Variants in PCBP3 observed in about 807,000 individuals in gnomAD.
PCBP3 encodes poly(rC)-binding protein 3.
In PCBP3, 25 loss-of-function variants were observed where a neutral mutation model predicts 52.7. The observed-to-expected ratio is 0.47, with a 90% CI of 0.35 to 0.66. The LOEUF (loss-of-function observed/expected upper bound fraction) is 0.66, where lower values mean the gene tolerates loss of function less well. PCBP3 is among the 30% of genes least tolerant of loss of function. PCBP3 has a pLI of 0.01. For missense variants in PCBP3, 391 were observed against 490.3 expected (o/e 0.80, Z 1.91); for synonymous variants, 162 against 183.0 (o/e 0.89, Z 0.93).
At position 45,835,668 on chromosome 21, in the gene PCBP3, A is replaced by G. The variant is rs1231702135; in HGVS notation, c.-125-14293A>G. Among the ~76,000 whole-genome samples the G allele has an allele frequency of 3.3e-5, 5 of 152,168 alleles. No homozygotes were observed. The South Asian group carries it at 6.2e-4, about 19-fold the overall frequency. On this transcript the variant is annotated intron_variant, in intron 4 of 17. Coordinates refer to ENST00000681687, the MANE Select transcript of PCBP3 (RefSeq NM_001384156.1). ...AGACAGAGCCTGGGCGTGGCCCCAC[A>G]TCCCTGTGAGCTGCCCATGGGCCTG...
intron 2 of PCBP3, among the ~76,000 whole-genome samples, chr21:45,719,378 T>A (rs2084459305): frequency 6.6e-6 from 1 of 152,160 alleles, no homozygotes; most frequent in South Asian, 2.1e-4. Flanking sequence ...GAACAAGCCA[T>A]ACCCGGTGGC....
At chr21:45,846,900 T>C (rs991128873) in intron 4 of PCBP3, among the ~76,000 whole-genome samples, 4 of 152,200 alleles carry the variant, frequency 2.6e-5, no homozygotes, top group African/African-American at 9.7e-5. Flanking sequence ...AATTGTCATG[T>C]CTCTTGTGTA....
intron 1 of PCBP3, among the ~76,000 whole-genome samples, chr21:45,659,626 C>T (rs2080255543): frequency 6.6e-6 from 1 of 152,214 alleles, no homozygotes; most frequent in African/African-American, 2.4e-5. Flanking sequence ...GCTGGGATTA[C>T]AGGCGTTAGC....
At chr21:45,875,417 T>C (rs1238723240) in intron 5 of PCBP3, among the ~76,000 whole-genome samples, 1 of 152,234 alleles carries the variant, frequency 6.6e-6, no homozygotes, top group African/African-American at 2.4e-5. Flanking sequence ...GCTGCTGCTT[T>C]TCACCCCCTG....
intron 4 of PCBP3, among the ~76,000 whole-genome samples, chr21:45,787,305 C>A (rs1026283012): frequency 6.6e-6 from 1 of 152,062 alleles, no homozygotes; most frequent in Non-Finnish European, 1.5e-5. Flanking sequence ...AGTGCAATGG[C>A]GTGATCATAG....
At chr21:45,770,934 C>T (rs2089815695) in intron 4 of PCBP3, among the ~76,000 whole-genome samples, 1 of 152,266 alleles carries the variant, frequency 6.6e-6, no homozygotes, top group Non-Finnish European at 1.5e-5. Context: ...CACATGGGAG[C>T]TTGCGGAGGG....
chr21:45,728,941 G>T (rs895364213), intron 2 of PCBP3, among the ~76,000 whole-genome samples: 1 of 152,120 alleles, frequency 6.6e-6, no homozygotes, highest in Non-Finnish European at 1.5e-5. Context: ...TGCAATTAAA[G>T]TACACCAAAT....
chr21:45,925,745 A>G (rs1040562613), intron 13 of PCBP3, among the ~76,000 whole-genome samples: 1 of 152,254 alleles, frequency 6.6e-6, no homozygotes, highest in African/African-American at 2.4e-5. Context: ...TTACATGTTG[A>G]TAGAAAATTC....
intron 3 of PCBP3, among the ~76,000 whole-genome samples, chr21:45,748,679 G>A (rs1003923933): frequency 6.6e-6 from 1 of 152,260 alleles, no homozygotes; most frequent in African/African-American, 2.4e-5. Context: ...GCCACATCCA[G>A]CAGGGCTGGT....
At chr21:45,910,036 G>A (rs1193893661) in intron 10 of PCBP3, among the ~76,000 whole-genome samples, 2 of 29,452 alleles carry the variant, frequency 6.8e-5, no homozygotes, top group Non-Finnish European at 5.9e-5. Context: ...CCACTGCCCA[G>A]ATATGGACCC....
intron 2 of PCBP3, among the ~76,000 whole-genome samples, chr21:45,729,661 A>G (rs958075697): frequency 6.6e-6 from 1 of 151,630 alleles, no homozygotes; most frequent in Non-Finnish European, 1.5e-5. Context: ...ATAATGTTCT[A>G]TTTCTCATTC....
chr21:45,701,795 A>G (rs971799119), intron 2 of PCBP3, among the ~76,000 whole-genome samples: 1 of 152,190 alleles, frequency 6.6e-6, no homozygotes, highest in African/African-American at 2.4e-5. Context: ...CCTGACCTCA[A>G]ATGATCTGCC....
At chr21:45,878,725 T>G (rs1026633588) in intron 5 of PCBP3, among the ~76,000 whole-genome samples, 4 of 152,210 alleles carry the variant, frequency 2.6e-5, no homozygotes. Flanking sequence ...GCATAAGATT[T>G]AAGTGATAAC....
chr21:45,828,307 A>G (rs1180338510), intron 4 of PCBP3: 1 of 152,176 alleles, frequency 6.6e-6, no homozygotes, highest in Non-Finnish European at 1.5e-5. Flanking sequence ...AGATGGCCCC[A>G]AAGTCTGGTC....
intron 11 of PCBP3, among the ~76,000 whole-genome samples, chr21:45,912,209 A>G (rs1021547957): frequency 6.6e-6 from 1 of 152,060 alleles, no homozygotes; most frequent in South Asian, 2.1e-4. Context: ...GAACCACCCT[A>G]TCTCCTTCCT....
At position 45,724,391 on chromosome 21, in the gene PCBP3, G is replaced by A. The variant is rs1317141877; in HGVS notation, c.-199-11001G>A. Among the ~76,000 whole-genome samples, 2 of 152,144 alleles carry A rather than the reference G, an allele frequency of 1.3e-5. No individual in the cohort carries two copies. The highest frequency in any genetic ancestry group is 1.9e-4 in the East Asian group (1 of 5,154). On this transcript the variant is annotated intron_variant, in intron 2 of 17. Coordinates refer to ENST00000681687, the MANE Select transcript of PCBP3 (RefSeq NM_001384156.1). This position sits in a 1 kb window ranked among gnomAD's most constrained non-coding sequence, Gnocchi z 5.3. Reference sequence around the variant, plus strand: ...AACACTCCACAGGGTGGTGCATGGGGGCTGCCCACACTCCCTGCTGCTTTC... The same window carrying A: ...AACACTCCACAGGGTGGTGCATGGGAGCTGCCCACACTCCCTGCTGCTTTC...
intron 4 of PCBP3, among the ~76,000 whole-genome samples, chr21:45,814,175 G>A (rs964869554): frequency 1.3e-5 from 2 of 152,216 alleles, no homozygotes; most frequent in African/African-American, 4.8e-5. Flanking sequence ...AAAAGGTGAA[G>A]TAAAAATACA....
intron 2 of PCBP3, among the ~76,000 whole-genome samples, chr21:45,697,910 A>G (rs561484981): frequency 2.1e-4 from 32 of 152,226 alleles, no homozygotes; most frequent in South Asian, 2.1e-4. Flanking sequence ...TGTGAGCCTC[A>G]TAAGTGGCCA....
At position 45,805,733 on chromosome 21, in the gene PCBP3, T is replaced by C. The variant is rs1464034042; in HGVS notation, c.-125-44228T>C. Among the ~76,000 whole-genome samples, 1 of 152,172 alleles carries C rather than the reference T, an allele frequency of 6.6e-6. No individual in the cohort carries two copies. Among genetic ancestry groups the C allele is most frequent in the African/African-American group, 2.4e-5 (1 of 41,442 alleles). On this transcript the variant is annotated intron_variant, in intron 4 of 17. Coordinates refer to ENST00000681687, the MANE Select transcript of PCBP3 (RefSeq NM_001384156.1). This position sits in a 1 kb window ranked among gnomAD's most constrained non-coding sequence, Gnocchi z 4.6. ...ACCTGAGCTTGCAGGCATGCTCCTG[T>C]CTTTCTGTGGTGGTAAAGGTGACAT...
Sources: gnomAD v4.1 joint callset for allele counts (sites outside exome capture counted in the v4.1 genomes callset) on GRCh38, gnomAD v4.1.1 for gene constraint, Gnocchi (gnomAD v3.1) non-coding constraint, MANE v1.5 for transcripts, NCBI Gene and HGNC (gene_info 2026-07-23, HGNC 2026-07-21) for gene names.